Variants in ATP9B observed in about 807,000 individuals in gnomAD.
The protein encoded by ATP9B is ATPase phospholipid transporting 9B.
In ATP9B, 110 loss-of-function variants were observed where a neutral mutation model predicts 146.1. The ratio of observed to expected loss-of-function variants is 0.75; its 90% CI spans 0.65 to 0.88. The LOEUF is 0.88. ATP9B is among the 40% of genes least tolerant of loss of function. The pLI is 0.00. For synonymous variants in ATP9B, 604 were observed against 569.7 expected, an observed-to-expected ratio of 1.06 and a Z score of -0.86; for missense variants, 1,499 against 1,496.4, an observed-to-expected ratio of 1.00 and a Z score of -0.03.
intron 17 of ATP9B, among the ~76,000 whole-genome samples, chr18:79,332,435 T>A (rs546710068): frequency 4.9e-4 from 75 of 151,982 alleles, no homozygotes; most frequent in Non-Finnish European, 7.9e-4. Context: ...TCTCAAAAAA[T>A]AAAAATAAAA....
At chr18:79,332,176 T>C (rs1432740893) in intron 17 of ATP9B, among the ~76,000 whole-genome samples, 1 of 152,266 alleles carries the variant, frequency 6.6e-6, no homozygotes, top group Non-Finnish European at 1.5e-5. Flanking sequence ...ACGCCTGTAA[T>C]GCCAGCACTT....
chr18:79,203,295 G>A (rs1018226746), intron 9 of ATP9B, among the ~76,000 whole-genome samples: 1 of 151,982 alleles, frequency 6.6e-6, no homozygotes, highest in Admixed American at 6.6e-5. Context: ...AGGCCCTGGA[G>A]GAGCAGGTAC....
intron 9 of ATP9B, among the ~76,000 whole-genome samples, chr18:79,202,301 G>C (rs904783517): frequency 6.6e-6 from 1 of 152,162 alleles, no homozygotes; most frequent in South Asian, 2.1e-4. Flanking sequence ...GTATTGTCTT[G>C]GAAGTTTGGA....
intron 13 of ATP9B, among the ~76,000 whole-genome samples, chr18:79,302,109 T>C (rs1020386042): frequency 2.0e-5 from 3 of 152,246 alleles, no homozygotes; most frequent in Non-Finnish European, 4.4e-5. Flanking sequence ...TGAATATTTT[T>C]ATGGATATTT....
At chr18:79,167,812 G>C (rs1413559452) in intron 7 of ATP9B, among the ~76,000 whole-genome samples, 1 of 152,196 alleles carries the variant, frequency 6.6e-6, no homozygotes, top group Non-Finnish European at 1.5e-5. Context: ...TTCCTGGCTT[G>C]AAGGTAGGGT....
chr18:79,102,711 T>G (rs73003106), intron 2 of ATP9B, among the ~76,000 whole-genome samples: 20,646 of 152,136 alleles, frequency 0.14, 1,934 homozygotes, highest in East Asian at 0.38. Context: ...ACCTATATAT[T>G]TTATTAGTTT....
At chr18:79,104,996 A>G (rs1377337393) in intron 2 of ATP9B, among the ~76,000 whole-genome samples, 1 of 152,200 alleles carries the variant, frequency 6.6e-6, no homozygotes, top group Non-Finnish European at 1.5e-5. Context: ...ATGTGGAAAA[A>G]GCTAGCTGAG....
intron 12 of ATP9B, among the ~76,000 whole-genome samples, chr18:79,259,941 T>C (rs1467205263): frequency 6.6e-6 from 1 of 152,162 alleles, no homozygotes; most frequent in Admixed American, 6.5e-5. Flanking sequence ...AGACCTAGAT[T>C]TGATATTCAG....
At chr18:79,078,138 C>T (rs1293344499) in intron 1 of ATP9B, 2 of 152,370 alleles carry the variant, frequency 1.3e-5, no homozygotes, top group East Asian at 1.9e-4. Flanking sequence ...GCTTCACGCA[C>T]TCTTTGCTGT....
chr18:79,174,241 A>G (rs1423576492), intron 7 of ATP9B: 4 of 403,646 alleles, frequency 9.9e-6, no homozygotes, highest in Admixed American at 6.1e-5. Context: ...GCATGAAGCT[A>G]TAGTGTAATG....
chr18:79,194,125 A>G (rs1026504826), intron 9 of ATP9B, among the ~76,000 whole-genome samples: 1 of 152,146 alleles, frequency 6.6e-6, no homozygotes, highest in Non-Finnish European at 1.5e-5. Context: ...AGGAGGAAGC[A>G]TGACCTGGTG....
intron 8 of ATP9B, among the ~76,000 whole-genome samples, chr18:79,186,000 G>A (rs2095305052): frequency 6.6e-6 from 1 of 152,196 alleles, no homozygotes; most frequent in African/African-American, 2.4e-5. Flanking sequence ...GCCTGTAATG[G>A]CAGGTGCAGT....
intron 12 of ATP9B, among the ~76,000 whole-genome samples, chr18:79,260,616 T>C (rs2096130213): frequency 6.6e-6 from 1 of 152,196 alleles, no homozygotes; most frequent in Non-Finnish European, 1.5e-5. Flanking sequence ...ACTACCAGCT[T>C]GACCTAAAGG....
chr18:79,375,395 T>C lies in ATP9B; in HGVS notation c.3276T>C (p.Gly1092=), dbSNP rs1322356893. The change falls in exon 29 of 30, where the codon GGT becomes GGC. Residue 1092 remains glycine (G), a splice_region_variant and synonymous_variant. Coordinates refer to ENST00000426216, the MANE Select transcript of ATP9B (RefSeq NM_198531.5). The stretch of plus-strand genomic sequence containing the variant: ...TTCTTTATTACTGTTTTGGAACAGG[T>C]ATAGGCAGAGTGTCTTTTGGAGCTT... ...SSLAFLNEYF[G]IGRVSFGAFL... 1.2e-6 allele frequency: 2 copies of C among 1,612,242 alleles called. No homozygotes were observed. Among genetic ancestry groups the C allele is most frequent in the Non-Finnish European group, 1.7e-6 (2 of 1,178,268 alleles).
chr18:79,266,973 T>C (rs1285934030), intron 12 of ATP9B, among the ~76,000 whole-genome samples: 12 of 152,208 alleles, frequency 7.9e-5, no homozygotes, highest in Non-Finnish European at 2.9e-5. Context: ...AAAATATTTT[T>C]TTTTCTCATT....
chr18:79,173,300 G>A (rs72994302), intron 7 of ATP9B, among the ~76,000 whole-genome samples: 10,039 of 152,036 alleles, frequency 0.066, 404 homozygotes, highest in Non-Finnish European at 0.095. Flanking sequence ...TCTTCTGCAA[G>A]GATCTTTACA....
chr18:79,293,116 A>G (rs1009047730), intron 13 of ATP9B, among the ~76,000 whole-genome samples: 11 of 151,020 alleles, frequency 7.3e-5, no homozygotes, highest in African/African-American at 1.7e-4. Context: ...AGTGTTTTCA[A>G]CAAATGGTGC....
At chr18:79,084,551 A>G in intron 1 of ATP9B, among the ~76,000 whole-genome samples, 1 of 151,854 alleles carries the variant, frequency 6.6e-6, no homozygotes, top group African/African-American at 2.4e-5. Flanking sequence ...AAAAAAAAAA[A>G]TGTAAGCGTA....
chr18:79,166,076 C>T (rs1394753323), intron 7 of ATP9B, among the ~76,000 whole-genome samples: 1 of 152,164 alleles, frequency 6.6e-6, no homozygotes, highest in Non-Finnish European at 1.5e-5. Flanking sequence ...TGCCATACTC[C>T]AGAGGTTCTG....
Sources: allele counts gnomAD v4.1 joint callset (sites outside exome capture counted in the v4.1 genomes callset), GRCh38; gene constraint gnomAD v4.1.1; transcripts MANE v1.5; gene names NCBI Gene and HGNC (gene_info 2026-07-23, HGNC 2026-07-21).